Variants in ATP8A2 observed in about 807,000 individuals in gnomAD.
The protein encoded by ATP8A2 is ATPase phospholipid transporting 8A2.
ATP8A2 carries 100 observed loss-of-function variants against 165.6 expected under a neutral mutation model. That is an observed-to-expected ratio of 0.60 (90% CI 0.51 to 0.71). The LOEUF is 0.71. ATP8A2 is among the 30% of genes least tolerant of loss of function. The probability of loss-of-function intolerance (pLI) is 0.00; values close to 1 mark genes in which losing one functional copy is unlikely to be tolerated. For synonymous variants in ATP8A2, 543 were observed against 548.8 expected (o/e 0.99, Z 0.15); for missense variants, 1,227 against 1,479.5 (o/e 0.83, Z 2.80).
At chr13:25,451,581 T>C (rs2035225392) in intron 1 of ATP8A2, among the ~76,000 whole-genome samples, 1 of 152,132 alleles carries the variant, frequency 6.6e-6, no homozygotes, top group African/African-American at 2.4e-5. Context: ...GGTAAGATAA[T>C]GTCATTTTAA....
intron 33 of ATP8A2, among the ~76,000 whole-genome samples, chr13:25,914,188 T>A (rs1455293546): frequency 6.6e-6 from 1 of 152,224 alleles, no homozygotes; most frequent in East Asian, 1.9e-4. Context: ...GGCTTCCATT[T>A]AAGTGTGTTT....
intron 27 of ATP8A2, among the ~76,000 whole-genome samples, chr13:25,807,742 A>G (rs1015491523): frequency 6.6e-6 from 1 of 151,940 alleles, no homozygotes; most frequent in African/African-American, 2.4e-5. Context: ...AGCTATTCCT[A>G]CCTGTTTCTT....
chr13:25,578,150 T>C (rs1380983129), intron 20 of ATP8A2, among the ~76,000 whole-genome samples: 1 of 152,200 alleles, frequency 6.6e-6, no homozygotes, highest in Non-Finnish European at 1.5e-5. Context: ...ATAGAAGAGG[T>C]ACATACGAAA....
At chr13:25,376,326 A>G (rs1593224435) in intron 1 of ATP8A2, among the ~76,000 whole-genome samples, 1 of 152,300 alleles carries the variant, frequency 6.6e-6, no homozygotes, top group Admixed American at 6.5e-5. Flanking sequence ...TCCATTTCCT[A>G]TACTACCCTT....
At position 25,877,351 on chromosome 13, in the gene ATP8A2, G is replaced by A. The variant is rs9581470; in HGVS notation, c.3183+14943G>A. On this transcript the variant is annotated intron_variant, in intron 33 of 36. Transcript: ENST00000381655. The stretch of plus-strand genomic sequence containing the variant: ...GATGGTCTACAGAGCTCACCTCTTT[G>A]TTTTTAAAAATTCGATAGGGTGAAA... Among the ~76,000 whole-genome samples the A allele has an allele frequency of 1.4e-3, 213 of 152,284 alleles. 1 individual carries two copies. The highest frequency in any genetic ancestry group is 4.4e-3 in the African/African-American group (183 of 41,560).
At chr13:25,959,689 C>T (rs1201094354) in intron 33 of ATP8A2, among the ~76,000 whole-genome samples, 1 of 152,200 alleles carries the variant, frequency 6.6e-6, no homozygotes, top group Non-Finnish European at 1.5e-5. Context: ...TACGACATCT[C>T]TGTCAACAAA....
chr13:26,018,970 G>A (rs1957040323), intron 36 of ATP8A2, among the ~76,000 whole-genome samples: 1 of 152,210 alleles, frequency 6.6e-6, no homozygotes, highest in African/African-American at 2.4e-5. Context: ...AACTGATTGT[G>A]TAAGAATAGT....
chr13:25,710,743 A>G (rs2043142594), intron 25 of ATP8A2, among the ~76,000 whole-genome samples: 4 of 150,662 alleles, frequency 2.7e-5, no homozygotes, highest in Admixed American at 2.6e-4. Context: ...ATGGTAACAC[A>G]GTCACAGCAT....
At chr13:25,711,558 A>C (rs1013516840) in intron 25 of ATP8A2, among the ~76,000 whole-genome samples, 1 of 148,306 alleles carries the variant, frequency 6.7e-6, no homozygotes, top group African/African-American at 2.5e-5. Context: ...TTTAAAAAAA[A>C]AAAATTTTTT....
chr13:25,532,480 G>T (rs2038146028), intron 5 of ATP8A2, among the ~76,000 whole-genome samples, 163 bp downstream of exon 5: 1 of 152,076 alleles, frequency 6.6e-6, no homozygotes, highest in South Asian at 2.1e-4. Context: ...CATAATTTTA[G>T]TCCTGATAAT....
chr13:25,605,656 G>A (rs914606135), intron 24 of ATP8A2, among the ~76,000 whole-genome samples: 1 of 152,108 alleles, frequency 6.6e-6, no homozygotes, highest in Non-Finnish European at 1.5e-5. Flanking sequence ...AGATATTCAT[G>A]TTAACCTAGT....
rs560715821 is a variant in ATP8A2 at position 25,551,491 on chromosome 13, A to G, written c.1045A>G (p.Ile349Val). 1.2e-6 allele frequency: 2 copies of G among 1,603,640 alleles called. No individual in the cohort carries two copies. Among genetic ancestry groups the G allele is most frequent in the South Asian group, 1.1e-5 (1 of 90,404 alleles). The stretch of plus-strand genomic sequence containing the variant: ...GTCTCATGGTGAAAAGAACTGGTAC[A>G]TCAAGAAGATGGGTAAGTGTCGGGG... Reference protein sequence around the residue: ...NRSHGEKNWYIKKMDTTSDNF... With the variant: ...NRSHGEKNWYVKKMDTTSDNF... Residue 349 changes from isoleucine (I) to valine (V), a missense_variant, in exon 11 of 37, where the codon ATC becomes GTC. Around this residue, in one of 5 missense-constraint regions of ATP8A2, gnomAD observed 592 missense variants for 785.6 expected, o/e 0.75. Transcript: ENST00000381655.
rs1391045529 is a variant in ATP8A2, at chr13:25,420,360, G to A, written c.76+48072G>A. On this transcript the variant is annotated intron_variant, in intron 1 of 36. Coordinates refer to ENST00000381655, the MANE Select transcript of ATP8A2 (RefSeq NM_016529.6). ...CAAAGACAAGGATGAAGTGGGACCA[G>A]GTGGCCAGGAGTGGTTTTGGCTAGA... is the stretch of plus-strand genomic sequence containing the variant. Among the ~76,000 whole-genome samples the A allele has an allele frequency of 2.6e-5, 4 of 152,256 alleles. No homozygotes were observed. In the South Asian group the frequency reaches 8.3e-4, roughly 32 times the overall value.
In ATP8A2 at chr13:25,528,766, A is replaced by G. The variant is rs138853814; in HGVS notation, c.222-1233A>G. 7.3e-5 allele frequency among the ~76,000 whole-genome samples: 6 copies of G among 81,816 alleles called. No individual in the cohort carries two copies. The East Asian group carries it at 1.2e-3, about 16-fold the overall frequency. 53.7% of individuals were successfully genotyped at this position (81,816 alleles called of 152,430 possible). On this transcript the variant is annotated intron_variant, in intron 2 of 36. Coordinates refer to ENST00000381655, the MANE Select transcript of ATP8A2 (RefSeq NM_016529.6). The stretch of plus-strand genomic sequence containing the variant: ...ACTTGTGTATGCATACATATGCAAC[A>G]TGTGTATGCACACATATGCAACATG...
intron 24 of ATP8A2, among the ~76,000 whole-genome samples, chr13:25,594,528 G>A (rs1179537596): frequency 6.6e-6 from 1 of 152,054 alleles, no homozygotes; most frequent in Non-Finnish European, 1.5e-5. Flanking sequence ...CCCATCACCC[G>A]AGCAGTATAC....
At chr13:25,390,842 T>C (rs1208526026) in intron 1 of ATP8A2, among the ~76,000 whole-genome samples, 1 of 151,920 alleles carries the variant, frequency 6.6e-6, no homozygotes, top group Non-Finnish European at 1.5e-5. Context: ...GGAGAATTGC[T>C]TGAACCCGGG....
intron 26 of ATP8A2, among the ~76,000 whole-genome samples, chr13:25,770,187 C>T (rs546775118): frequency 2.6e-5 from 4 of 152,256 alleles, no homozygotes; most frequent in African/African-American, 9.6e-5. Flanking sequence ...AAGCAGACCT[C>T]CTTGCCTGGG....
chr13:25,374,515 C>T (rs892787971), intron 1 of ATP8A2, among the ~76,000 whole-genome samples: 1 of 152,100 alleles, frequency 6.6e-6, no homozygotes, highest in Non-Finnish European at 1.5e-5. Context: ...TACAGTCTGA[C>T]GGCATGAACA....
intron 16 of ATP8A2, among the ~76,000 whole-genome samples, chr13:25,569,943 T>G (rs2039418130): frequency 6.6e-6 from 1 of 152,184 alleles, no homozygotes; most frequent in African/African-American, 2.4e-5. Context: ...GGTCTTATAT[T>G]TAGAATATTT....
Sources: allele counts gnomAD v4.1 joint callset (sites outside exome capture counted in the v4.1 genomes callset), GRCh38; gene constraint gnomAD v4.1.1; regional missense constraint gnomAD v4.1.1; transcripts MANE v1.5; gene names NCBI Gene and HGNC (gene_info 2026-07-23, HGNC 2026-07-21).